Variants in DAPK1 observed in about 807,000 individuals in gnomAD.
DAPK1 encodes the protein death associated protein kinase 1.
Under a neutral mutation model 144.9 loss-of-function variants are expected in DAPK1, and 56 were observed. That is an observed-to-expected ratio of 0.39 (90% CI 0.31 to 0.48). DAPK1 has a LOEUF of 0.48. DAPK1 is among the 20% of genes least tolerant of loss of function. The pLI, the probability that DAPK1 is intolerant of heterozygous loss-of-function variation, is 0.95. For synonymous variants in DAPK1, 690 were observed against 749.0 expected (o/e 0.92, Z 1.29); for missense variants, 1,454 against 1,875.4 (o/e 0.78, Z 4.15).
intron 2 of DAPK1, among the ~76,000 whole-genome samples, chr9:87,586,534 C>G (rs548743253): frequency 3.3e-4 from 50 of 152,212 alleles, no homozygotes; most frequent in Middle Eastern, 3.4e-3. Context: ...TGTGATAAAA[C>G]ACTATTGGAC....
At chr9:87,633,141 A>G (rs1829770004) in intron 3 of DAPK1, 1 of 983,316 alleles carries the variant, frequency 1.0e-6, no homozygotes, top group East Asian at 1.1e-4. Context: ...GTGTACATGT[A>G]GGGATGAAGG....
rs377523471 is a variant in DAPK1 at position 87,538,550 on chromosome 9, A to G, written c.62+39411A>G. ...GAAGTCCACTGAAATCTTCAACAAC[A>G]CGGTTCATTTGTCTTTGAGACGGGT... is the stretch of plus-strand genomic sequence containing the variant. On this transcript the variant is annotated intron_variant, in intron 2 of 25. Transcript: ENST00000408954. Among the ~76,000 whole-genome samples, 28 of 152,286 alleles carry G rather than the reference A, an allele frequency of 1.8e-4. No homozygotes were observed. In the South Asian group the frequency reaches 5.8e-3, roughly 32 times the overall value.
chr9:87,588,105 G>A (rs1030754489), intron 2 of DAPK1, among the ~76,000 whole-genome samples: 2 of 152,200 alleles, frequency 1.3e-5, no homozygotes, highest in African/African-American at 4.8e-5. Context: ...AAATGGCAAA[G>A]CCAGGATATA....
intron 2 of DAPK1, among the ~76,000 whole-genome samples, chr9:87,529,346 A>C (rs1483206935): frequency 6.6e-6 from 1 of 152,200 alleles, no homozygotes; most frequent in East Asian, 1.9e-4. Flanking sequence ...AGGTTGCTGC[A>C]GACCCATACA....
intron 21 of DAPK1, among the ~76,000 whole-genome samples, chr9:87,690,921 T>C (rs763492641): frequency 1.3e-5 from 2 of 152,112 alleles, no homozygotes; most frequent in Non-Finnish European, 2.9e-5. Context: ...TTTACTAGTA[T>C]ATTGTGAGGA....
At chr9:87,680,048 TTTTTA>T (rs1824547700) in intron 19 of DAPK1, among the ~76,000 whole-genome samples, 1 of 151,908 alleles carries the variant, frequency 6.6e-6, no homozygotes, top group African/African-American at 2.4e-5. Context: ...TTGATTATCC[TTTTTA>T]TTTTATGTGT....
intron 2 of DAPK1, among the ~76,000 whole-genome samples, chr9:87,505,733 AG>A (rs1444032230): frequency 6.6e-6 from 1 of 152,036 alleles, no homozygotes; most frequent in Non-Finnish European, 1.5e-5. Flanking sequence ...TCTGTTGCCC[AG>A]GCTAGAGTGC....
chr9:87,612,470 A>G (rs963365797), intron 3 of DAPK1, among the ~76,000 whole-genome samples: 5 of 152,158 alleles, frequency 3.3e-5, no homozygotes, highest in Admixed American at 6.5e-5. Flanking sequence ...CAGATCCCTT[A>G]GAAGGACCAT....
Position 87,681,608 on chromosome 9 carries a change from C to T in DAPK1, c.2206C>T (p.Leu736=). ...TNSSRFPPSP[L]ASKPTVSVSI... ...CTCCAGCAGGTTCCCACCTTCACCCCTGGCTTCTAAGCCCACAGGTAGGAA... is the reference window on the plus strand; with the variant it reads ...CTCCAGCAGGTTCCCACCTTCACCCTTGGCTTCTAAGCCCACAGGTAGGAA... The change falls in exon 20 of 26, where the codon CTG becomes TTG. Residue 736 remains leucine (L), a synonymous_variant. Transcript: ENST00000408954. 1 of 1,597,018 alleles carries T rather than the reference C, an allele frequency of 6.3e-7. No individual in the cohort carries two copies. The highest frequency in any genetic ancestry group is 8.6e-7 in the Non-Finnish European group (1 of 1,164,342).
At chr9:87,635,765 A>G (rs999550142) in intron 3 of DAPK1, among the ~76,000 whole-genome samples, 1 of 152,216 alleles carries the variant, frequency 6.6e-6, no homozygotes, top group Non-Finnish European at 1.5e-5. Context: ...ATGAGGCTCA[A>G]GAGAAGGGGT....
At chr9:87,698,462 C>T (rs1825335296) in intron 22 of DAPK1, 194 bp from the exon 23 acceptor site, 2 of 546,560 alleles carry the variant, frequency 3.7e-6, no homozygotes, top group Non-Finnish European at 6.5e-6. Flanking sequence ...TAGGCTTATC[C>T]TGTCGTTGGC....
chr9:87,506,289 C>A (rs116053880), intron 2 of DAPK1, among the ~76,000 whole-genome samples: 3,929 of 152,264 alleles, frequency 0.026, 157 homozygotes, highest in African/African-American at 0.089. Flanking sequence ...AAATAGTAGA[C>A]CCTTCATGGA....
At chr9:87,619,888 A>G (rs993512886) in intron 3 of DAPK1, among the ~76,000 whole-genome samples, 1 of 152,208 alleles carries the variant, frequency 6.6e-6, no homozygotes, top group Non-Finnish European at 1.5e-5. Flanking sequence ...TCTGCAAAGA[A>G]GGAAAGAAAG....
At position 87,605,064 on chromosome 9, in the gene DAPK1, G is replaced by A. The variant is rs375169492; in HGVS notation, c.173G>A (p.Arg58His). 4.5e-5 allele frequency: 72 copies of A among 1,614,086 alleles called. No individual in the cohort carries two copies. Among genetic ancestry groups the A allele is most frequent in the Non-Finnish European group, 5.8e-5 (69 of 1,180,046 alleles). The change falls in exon 3 of 26, where the codon CGC (arginine) becomes CAC (histidine). Residue 58 changes from arginine (R) to histidine (H), a missense_variant. Around this residue, in one of 2 missense-constraint regions of DAPK1, gnomAD observed 429 missense variants for 637.5 expected, o/e 0.67. Transcript: ENST00000408954. ...AAGTCCAGCCGGCGGGGTGTGAGCC[G>A]CGAGGACATCGAGCGGGAGGTCAGC... ...RTKSSRRGVS[R>H]EDIEREVSIL...
At chr9:87,660,838 AT>A (rs1284646843) in intron 18 of DAPK1, among the ~76,000 whole-genome samples, 1 of 151,546 alleles carries the variant, frequency 6.6e-6, no homozygotes, top group South Asian at 2.1e-4. Flanking sequence ...TTTATTTTTT[AT>A]TTTTTTGTTT....
chr9:87,659,335 C>T (rs1465949167), intron 18 of DAPK1, among the ~76,000 whole-genome samples: 1 of 152,222 alleles, frequency 6.6e-6, no homozygotes, highest in Non-Finnish European at 1.5e-5. Context: ...AACGCACACA[C>T]CATACCCACA....
At chr9:87,657,639 C>G in intron 17 of DAPK1, 1 of 253,074 alleles carries the variant, frequency 4.0e-6, no homozygotes, top group Non-Finnish European at 7.8e-6. Context: ...TGGGCTTGTC[C>G]TGGTATTTTC....
intron 18 of DAPK1, among the ~76,000 whole-genome samples, chr9:87,662,564 T>TTTTG (rs1554700243): frequency 1.7e-5 from 2 of 116,230 alleles, no homozygotes; most frequent in African/African-American, 6.4e-5. Context: ...TTCCTAGTTT[T>TTTTG]TTTTTTTTTT....
At chr9:87,557,960 C>T (rs891201840) in intron 2 of DAPK1, among the ~76,000 whole-genome samples, 7 of 152,146 alleles carry the variant, frequency 4.6e-5, no homozygotes, top group Non-Finnish European at 1.0e-4. Context: ...AAACAAAAAA[C>T]AAAAACCGAA....
Sources: gnomAD v4.1 joint callset for allele counts (sites outside exome capture counted in the v4.1 genomes callset) on GRCh38, gnomAD v4.1.1 for gene constraint, gnomAD v4.1.1 regional missense constraint, MANE v1.5 for transcripts, NCBI Gene and HGNC (gene_info 2026-07-23, HGNC 2026-07-21) for gene names.